Variants in ZNF540 observed in about 807,000 individuals in gnomAD.
ZNF540 encodes the protein CTD-3064H18.6.
Under a neutral mutation model 11.8 loss-of-function variants are expected in ZNF540, and 3 were observed. The ratio of observed to expected loss-of-function variants is 0.25; its 90% CI spans 0.12 to 0.65. The LOEUF is 0.65. Among genes scored for constraint, ZNF540 ranks in the 30% least tolerant of loss-of-function variants. The pLI, the probability that ZNF540 is intolerant of heterozygous loss-of-function variation, is 0.83. For synonymous variants in ZNF540, 247 were observed against 259.0 expected, an observed-to-expected ratio of 0.95 and a Z score of 0.45; for missense variants, 709 against 793.1, an observed-to-expected ratio of 0.89 and a Z score of 1.27.
At chr19:37,605,619 G>A (rs1057319265) in intron 4 of ZNF540, among the ~76,000 whole-genome samples, 2 of 152,162 alleles carry the variant, frequency 1.3e-5, no homozygotes, top group African/African-American at 4.8e-5. Context: ...CTGCACTCCA[G>A]CCTGGGCAAC....
Position 37,578,079 on chromosome 19 carries a change from T to A in ZNF540, c.-72-20297T>A, listed in dbSNP as rs145487901. ...ACGGATCTAGGTTGCGGGCTCCTTA[T>A]GAGAATCTAACTAATGCCTGATGAT... On this transcript the variant is annotated intron_variant, in intron 1 of 4. Transcript: ENST00000592533. 6.8e-4 allele frequency among the ~76,000 whole-genome samples: 103 copies of A among 152,158 alleles called. 1 individual carries two copies. In the East Asian group the frequency reaches 0.018, roughly 27 times the overall value.
Position 37,612,746 on chromosome 19 carries a change from A to G in ZNF540, c.1466A>G (p.His489Arg). The change falls in exon 5 of 5, where the codon CAT (histidine) becomes CGT (arginine). Residue 489 changes from histidine to arginine, a missense_variant. By Grantham distance (29) the His-to-Arg change is conservative. Transcript: ENST00000316433. ...RSQISLHKKI[H>R]TDVKPYKCVR... Reference sequence around the variant, plus strand: ...CAAATTAGTCTACATAAGAAAATTCATACTGATGTGAAGCCCTACAAATGT... The same window carrying G: ...CAAATTAGTCTACATAAGAAAATTCGTACTGATGTGAAGCCCTACAAATGT... The G allele has an allele frequency of 6.2e-7, 1 of 1,614,130 alleles. No individual in the cohort carries two copies.
At position 37,612,295 on chromosome 19, in the gene ZNF540, T is replaced by G. The variant is rs753186166; in HGVS notation, c.1015T>G (p.Cys339Gly). Reference protein sequence around the residue: ...CKECGKAFSVCGQLTRHQKIH... With the variant: ...CKECGKAFSVGGQLTRHQKIH... The stretch of plus-strand genomic sequence containing the variant: ...GGAGTGTGGGAAAGCTTTTAGTGTA[T>G]GCGGACAACTTACCCGTCATCAGAA... The change falls in exon 5 of 5, where the codon TGC becomes GGC. Residue 339 changes from cysteine (C) to glycine (G), a missense_variant. Transcript: ENST00000316433. The G allele has an allele frequency of 3.3e-5, 54 of 1,613,476 alleles. 1 individual carries two copies. In the South Asian group the frequency reaches 5.7e-4, roughly 17 times the overall value.
chr19:37,557,926 G>A (rs140129376), intron 1 of ZNF540, among the ~76,000 whole-genome samples: 1 of 152,096 alleles, frequency 6.6e-6, no homozygotes, highest in Non-Finnish European at 1.5e-5. Flanking sequence ...CCATCCAGAG[G>A]TCTCAGGATC....
intron 1 of ZNF540, among the ~76,000 whole-genome samples, chr19:37,581,409 G>T (rs376210483): frequency 1.7e-3 from 250 of 151,326 alleles, no homozygotes; most frequent in African/African-American, 5.9e-3. Flanking sequence ...GAAGTTACCA[G>T]ATCATTTACC....
intron 1 of ZNF540, among the ~76,000 whole-genome samples, chr19:37,554,050 C>G (rs2042635654): frequency 6.6e-6 from 1 of 152,140 alleles, no homozygotes; most frequent in Admixed American, 6.6e-5. Context: ...GTTACATTGG[C>G]AAACTGCATA....
At position 37,611,972 on chromosome 19, in the gene ZNF540, C is replaced by T. The variant is rs1898187427; in HGVS notation, c.692C>T (p.Thr231Ile). ...GKVFSHSYQL[T>I]LHQRFHTGEK... is the part of the protein sequence containing the mutation. ...GTTTTTAGTCATAGCTATCAACTTA[C>T]TCTGCATCAGAGATTTCATACTGGT... Residue 231 changes from threonine to isoleucine, a missense_variant, in exon 5 of 5, where the codon ACT becomes ATT. Transcript: ENST00000316433. 1.9e-6 allele frequency: 3 copies of T among 1,613,664 alleles called. No individual in the cohort carries two copies. Among genetic ancestry groups the T allele is most frequent in the Non-Finnish European group, 2.5e-6 (3 of 1,179,958 alleles).
intron 1 of ZNF540, chr19:37,566,498 T>A: frequency 1.8e-6 from 1 of 551,666 alleles, no homozygotes; most frequent in Non-Finnish European, 3.0e-6. Flanking sequence ...ATTAGAAAAA[T>A]AGGTTAAGTC....
upstream of ZNF540, among the ~76,000 whole-genome samples, chr19:37,591,721 T>C (rs938047678): frequency 5.3e-5 from 8 of 152,064 alleles, no homozygotes; most frequent in Admixed American, 2.6e-4. Flanking sequence ...ATTTTGTATT[T>C]TTAGTAGAGA....
intron 1 of ZNF540, among the ~76,000 whole-genome samples, chr19:37,551,888 C>T (rs897966398): frequency 6.6e-6 from 1 of 151,466 alleles, no homozygotes; most frequent in Non-Finnish European, 1.5e-5. Flanking sequence ...AGCGCCGTTT[C>T]TCTGTAGTCC....
At chr19:37,556,006 AGAGGT>A (rs2147136961) in intron 1 of ZNF540, 1 of 701,990 alleles carries the variant, frequency 1.4e-6, no homozygotes, top group Admixed American at 2.0e-5. Context: ...TTCCCAGGAC[AGAGGT>A]AAAAGTCAAC....
At position 37,600,986 on chromosome 19, in the gene ZNF540, C is replaced by A; in HGVS notation, c.137-24C>A. ...GTGCAATGTTTTATTTCTATATATT[C>A]TTTTATTTCTTTCTTGTAAGCAGGA... On this transcript the variant is annotated intron_variant, in intron 3 of 4. Coordinates refer to ENST00000316433, the MANE Select transcript of ZNF540 (RefSeq NM_001172225.3). 2.0e-6 allele frequency: 3 copies of A among 1,534,090 alleles called. No individual in the cohort carries two copies. In the East Asian group the frequency reaches 7.4e-5, roughly 38 times the overall value.
At chr19:37,589,578 G>A (rs1176320611) in intron 1 of ZNF540, among the ~76,000 whole-genome samples, 3 of 152,000 alleles carry the variant, frequency 2.0e-5, no homozygotes, top group Non-Finnish European at 2.9e-5. Context: ...GAAGACTTCT[G>A]AATCCAATAT....
chr19:37,573,257 A>G (rs1290539335), intron 1 of ZNF540, among the ~76,000 whole-genome samples: 4 of 152,212 alleles, frequency 2.6e-5, no homozygotes, highest in Non-Finnish European at 5.9e-5. Context: ...AATTCTATAT[A>G]AAAGTATTGG....
At chr19:37,596,754 A>G (rs2043999361) in intron 1 of ZNF540, among the ~76,000 whole-genome samples, 1 of 152,208 alleles carries the variant, frequency 6.6e-6, no homozygotes, top group Non-Finnish European at 1.5e-5. Flanking sequence ...AGGTGGCACC[A>G]GTGTATAACA....
chr19:37,579,343 C>A (rs967933621), intron 1 of ZNF540, among the ~76,000 whole-genome samples: 1 of 152,184 alleles, frequency 6.6e-6, no homozygotes, highest in African/African-American at 2.4e-5. Flanking sequence ...TGGCGCCTGA[C>A]CATTTCCCCC....
chr19:37,611,939 G>A lies in ZNF540; in HGVS notation c.659G>A (p.Cys220Tyr), dbSNP rs142614639. Residue 220 changes from cysteine (C) to tyrosine (Y), a missense_variant, in exon 5 of 5, where the codon TGT (cysteine) becomes TAT (tyrosine). Cys to Tyr is a radical substitution (Grantham distance 194). Transcript: ENST00000316433. ...TGEKSCKCEK[C>Y]GKVFSHSYQL... ...GAAAAATCCTGTAAATGTGAGAAAT[G>A]TGGGAAAGTTTTTAGTCATAGCTAT... is the stretch of plus-strand genomic sequence containing the variant. 4.0e-5 allele frequency: 65 copies of A among 1,613,532 alleles called. No homozygotes were observed. The Middle Eastern group carries it at 5.2e-4, about 13-fold the overall frequency.
intron 1 of ZNF540, among the ~76,000 whole-genome samples, chr19:37,573,274 T>C (rs997256636): frequency 4.6e-5 from 7 of 152,156 alleles, no homozygotes; most frequent in Non-Finnish European, 5.9e-5. Context: ...TTGGAGATAC[T>C]GGATTCCTAT....
intron 4 of ZNF540, among the ~76,000 whole-genome samples, chr19:37,604,351 A>T (rs770402127): frequency 3.3e-5 from 4 of 119,426 alleles, no homozygotes; most frequent in South Asian, 2.7e-4. Context: ...TCTGTCGCCC[A>T]GGCTGGAGTG....
Sources: gnomAD v4.1 joint callset for allele counts (sites outside exome capture counted in the v4.1 genomes callset) on GRCh38, gnomAD v4.1.1 for gene constraint, MANE v1.5 for transcripts, NCBI Gene and HGNC (gene_info 2026-07-23, HGNC 2026-07-21) for gene names.